Variants in SORCS1 observed in about 807,000 individuals in gnomAD.
The protein encoded by SORCS1 is sortilin related VPS10 domain containing receptor 1, also known as VPS10 domain-containing receptor SorCS1.
A neutral mutation model predicts 146.1 loss-of-function variants in SORCS1; 60 were observed. The ratio of observed to expected loss-of-function variants is 0.41; its 90% CI spans 0.33 to 0.51. SORCS1 has a LOEUF of 0.51. SORCS1 is among the 20% of genes least tolerant of loss of function. The probability of loss-of-function intolerance (pLI) is 0.21; values close to 1 mark genes in which losing one functional copy is unlikely to be tolerated. For synonymous variants in SORCS1, 637 were observed against 584.0 expected (o/e 1.09, Z -1.31); for missense variants, 1,352 against 1,487.6 (o/e 0.91, Z 1.50).
chr10:106,607,951 C>G (rs1846722463), intron 22 of SORCS1, among the ~76,000 whole-genome samples: 2 of 152,166 alleles, frequency 1.3e-5, no homozygotes, highest in African/African-American at 4.8e-5. Context: ...GAGCCCTCCA[C>G]TTGGCCACAC....
intron 1 of SORCS1, among the ~76,000 whole-genome samples, chr10:106,971,976 G>A (rs1198560270): frequency 2.0e-5 from 3 of 152,268 alleles, no homozygotes; most frequent in African/African-American, 7.2e-5. Flanking sequence ...GAGGTTGAAA[G>A]GGCTGGATTC....
chr10:106,956,643 G>A (rs566973945), intron 1 of SORCS1, 63 bp from the exon 2 acceptor site: 1 of 1,438,802 alleles, frequency 7.0e-7, no homozygotes, highest in East Asian at 2.3e-5. Flanking sequence ...GAACTGAAAT[G>A]GCCCAAGGGA....
At position 106,956,557 on chromosome 10, in the gene SORCS1, G is replaced by A; in HGVS notation, c.582C>T (p.Leu194=). Reference sequence around the variant, plus strand: ...TGATGCTCCCCAGGTTATAGTCATAGAGCTTTGTCAAAATGAGAATCACCT... The same window carrying A: ...TGATGCTCCCCAGGTTATAGTCATAAAGCTTTGTCAAAATGAGAATCACCT... ...NSSVILILTK[L]YDYNLGSITE... Residue 194 remains leucine (L), a synonymous_variant, in exon 2 of 26, where the codon CTC becomes CTT. Transcript: ENST00000263054. 1 of 1,614,168 alleles carries A rather than the reference G, an allele frequency of 6.2e-7. No individual in the cohort carries two copies. The highest frequency in any genetic ancestry group is 1.1e-5 in the South Asian group (1 of 91,076).
At chr10:107,014,253 C>CAAAAAAA (rs562179526) in intron 1 of SORCS1, among the ~76,000 whole-genome samples, 1 of 79,332 alleles carries the variant, frequency 1.3e-5, no homozygotes, top group Non-Finnish European at 2.4e-5. Flanking sequence ...GACCCTGCGT[C>CAAAAAAA]AAAAAAAAAA....
chr10:106,717,461 C>A (rs1855459922), intron 6 of SORCS1, among the ~76,000 whole-genome samples: 1 of 152,198 alleles, frequency 6.6e-6, no homozygotes, highest in African/African-American at 2.4e-5. Flanking sequence ...AAATTATAGA[C>A]TTACATCAAA....
At chr10:106,631,704 G>A (rs1428734927) in intron 18 of SORCS1, among the ~76,000 whole-genome samples, 1 of 152,184 alleles carries the variant, frequency 6.6e-6, no homozygotes, top group Non-Finnish European at 1.5e-5. Context: ...CACACCTTCA[G>A]TCAACTCTAC....
intron 9 of SORCS1, among the ~76,000 whole-genome samples, chr10:106,695,022 C>T (rs532308912): frequency 6.6e-6 from 1 of 152,298 alleles, no homozygotes; most frequent in Admixed American, 6.5e-5. Flanking sequence ...ACTCTTCTCA[C>T]AGACACTCAG....
At chr10:106,579,281 A>G in intron 25 of SORCS1, 88 bp downstream of exon 25, 1 of 1,614,118 alleles carries the variant, frequency 6.2e-7, no homozygotes, top group Non-Finnish European at 8.5e-7. Flanking sequence ...CATCACTGCT[A>G]TGCACATCAC....
At position 107,096,900 on chromosome 10, in the gene SORCS1, C is replaced by G. The variant is rs527456781; in HGVS notation, c.558+67069G>C. 1.3e-4 allele frequency among the ~76,000 whole-genome samples: 20 copies of G among 152,226 alleles called. No individual in the cohort carries two copies. In the South Asian group the frequency reaches 4.1e-3, roughly 32 times the overall value. On this transcript the variant is annotated intron_variant, in intron 1 of 25. Coordinates refer to ENST00000263054, the MANE Select transcript of SORCS1 (RefSeq NM_052918.5). ...GATTCTCTCCATAAGCTCCTTTTTT[C>G]TAGTTTTCATGTAGATTGCCCATCT...
At position 106,829,618 on chromosome 10, in the gene SORCS1, T is replaced by C. The variant is rs1232888983; in HGVS notation, c.682A>G (p.Thr228Ala). ...CACACATAGAGATAGCTCAAAATGG[T>C]TTTCAAACCAACTTTATCATTCAGC... ...EKLNDKVGLK[T>A]ILSYLYVCPT... The change falls in exon 3 of 26, where the codon ACC (threonine) becomes GCC (alanine). Residue 228 changes from threonine (T) to alanine (A), a missense_variant. Physicochemically the swap from Thr to Ala is moderately conservative, Grantham distance 58 (BLOSUM62 0). Coordinates refer to ENST00000263054, the MANE Select transcript of SORCS1 (RefSeq NM_052918.5). The C allele has an allele frequency of 6.2e-7, 1 of 1,608,162 alleles. No homozygotes were observed. Among genetic ancestry groups the C allele is most frequent in the East Asian group, 2.2e-5 (1 of 44,660 alleles).
At chr10:106,606,274 TACACACACACACACACACACAC>T (rs6144077) in intron 23 of SORCS1, among the ~76,000 whole-genome samples, 8 of 139,006 alleles carry the variant, frequency 5.8e-5, no homozygotes, top group Non-Finnish European at 9.1e-5. Flanking sequence ...CACACAGATA[TACACACACACACACACACACAC>T]ACACACACAC....
intron 3 of SORCS1, among the ~76,000 whole-genome samples, chr10:106,800,100 C>T (rs922181729): frequency 2.0e-5 from 3 of 152,100 alleles, no homozygotes; most frequent in African/African-American, 7.2e-5. Context: ...CAACTTAGAC[C>T]AGGCTCTTGA....
rs1023304478 is a variant in SORCS1, at chr10:107,042,371, T to C, written c.559-85791A>G. On this transcript the variant is annotated intron_variant, in intron 1 of 25. Coordinates refer to ENST00000263054, the MANE Select transcript of SORCS1 (RefSeq NM_052918.5). Reference sequence around the variant, plus strand: ...TCTAAAACAGAATTCTCAAAGAGACTCACATCATCTAGATTTATAAAGAGC... The same window carrying C: ...TCTAAAACAGAATTCTCAAAGAGACCCACATCATCTAGATTTATAAAGAGC... 2.0e-5 allele frequency among the ~76,000 whole-genome samples: 3 copies of C among 152,200 alleles called. No homozygotes were observed. The East Asian group carries it at 5.8e-4, about 29-fold the overall frequency.
chr10:106,746,905 T>C (rs1372889566), intron 5 of SORCS1, among the ~76,000 whole-genome samples: 2 of 152,202 alleles, frequency 1.3e-5, no homozygotes, highest in African/African-American at 4.8e-5. Flanking sequence ...CAACTGATCA[T>C]AGAAGGCAAT....
chr10:106,601,625 A>G (rs1161294446), intron 23 of SORCS1, among the ~76,000 whole-genome samples: 1 of 152,182 alleles, frequency 6.6e-6, no homozygotes, highest in Non-Finnish European at 1.5e-5. Context: ...AATCAACTAG[A>G]TATGGCTGTG....
intron 1 of SORCS1, among the ~76,000 whole-genome samples, chr10:107,142,049 A>G (rs1355611332): frequency 6.6e-6 from 1 of 152,194 alleles, no homozygotes; most frequent in African/African-American, 2.4e-5. Context: ...GGCACCTTGA[A>G]TTATCCTCCC....
chr10:106,904,137 C>A (rs1459503958), intron 2 of SORCS1, among the ~76,000 whole-genome samples: 1 of 152,228 alleles, frequency 6.6e-6, no homozygotes, highest in Non-Finnish European at 1.5e-5. Flanking sequence ...CTCCAGAATA[C>A]TTTCAGTAGT....
chr10:106,596,128 T>C (rs1423107910), intron 24 of SORCS1, among the ~76,000 whole-genome samples: 1 of 152,030 alleles, frequency 6.6e-6, no homozygotes, highest in African/African-American at 2.4e-5. Context: ...ATGTTCTGAC[T>C]GGAAAAAAAA....
chr10:107,107,537 T>G (rs1965391154), intron 1 of SORCS1, among the ~76,000 whole-genome samples: 1 of 152,198 alleles, frequency 6.6e-6, no homozygotes, highest in South Asian at 2.1e-4. Context: ...TGACTGCTTA[T>G]AGTTAAGTGT....
Sources: gnomAD v4.1 joint callset for allele counts (sites outside exome capture counted in the v4.1 genomes callset) on GRCh38, gnomAD v4.1.1 for gene constraint, MANE v1.5 for transcripts, NCBI Gene and HGNC (gene_info 2026-07-23, HGNC 2026-07-21) for gene names.